The following JPH3 variants were observed in gnomAD, a reference collection of about 807,000 sequenced individuals.
JPH3 encodes the protein junctophilin 3.
Under a neutral mutation model 59.6 loss-of-function variants are expected in JPH3, and 11 were observed. The observed-to-expected ratio is 0.18, with a 90% CI of 0.12 to 0.31. The LOEUF (loss-of-function observed/expected upper bound fraction) is 0.31, where lower values mean the gene tolerates loss of function less well. Ranked by LOEUF, JPH3 falls within the 10% of genes least tolerant of loss-of-function variation. The pLI, the probability that JPH3 is intolerant of heterozygous loss-of-function variation, is 1.00. For synonymous variants in JPH3, 673 were observed against 483.6 expected, an observed-to-expected ratio of 1.39 and a Z score of -5.14; for missense variants, 1,202 against 1,105.7, an observed-to-expected ratio of 1.09 and a Z score of -1.24.
intron 2 of JPH3, among the ~76,000 whole-genome samples, chr16:87,650,876 C>T (rs1457567516): frequency 6.6e-6 from 1 of 152,206 alleles, no homozygotes. Flanking sequence ...GCAGGTTACC[C>T]AGAAGATCTG....
At chr16:87,608,447 CT>C (rs925601566) in intron 1 of JPH3, among the ~76,000 whole-genome samples, 1 of 152,190 alleles carries the variant, frequency 6.6e-6, no homozygotes, top group Admixed American at 6.5e-5. Flanking sequence ...GGACTGGCCG[CT>C]TCCCCCGCTG....
chr16:87,690,326 C>A lies in JPH3; in HGVS notation c.1966C>A (p.Arg656=). Residue 656 remains arginine (R), a synonymous_variant, in exon 4 of 5, where the codon CGG becomes AGG. Coordinates refer to ENST00000284262, the MANE Select transcript of JPH3 (RefSeq NM_020655.4). The part of the protein sequence containing the change: ...EDRGFGVQRL[R]SKAQNKENFR... ...CCGGGGCTTCGGGGTGCAGAGACTG[C>A]GGTCCAAGGCCCAGAACAAGGAGAA... The A allele has an allele frequency of 6.3e-7, 1 of 1,586,646 alleles. No homozygotes were observed. The highest frequency in any genetic ancestry group is 8.6e-7 in the Non-Finnish European group (1 of 1,167,616).
At chr16:87,670,940 C>A (rs903056232) in intron 2 of JPH3, among the ~76,000 whole-genome samples, 1 of 152,134 alleles carries the variant, frequency 6.6e-6, no homozygotes, top group Non-Finnish European at 1.5e-5. Flanking sequence ...GGGAATTGAT[C>A]CTGGCCCTCC....
chr16:87,652,834 T>A (rs374991705), intron 2 of JPH3, among the ~76,000 whole-genome samples: 1 of 152,242 alleles, frequency 6.6e-6, no homozygotes, highest in South Asian at 2.1e-4. Flanking sequence ...CAGCCTTGAC[T>A]GGGCATGTAG....
chr16:87,678,284 C>A (rs577111404), intron 2 of JPH3, among the ~76,000 whole-genome samples: 8 of 151,942 alleles, frequency 5.3e-5, no homozygotes, highest in South Asian at 2.1e-4. Context: ...TGGCTCACAT[C>A]TGTAATCCCA....
At chr16:87,643,339 C>T (rs2032018025) in intron 1 of JPH3, among the ~76,000 whole-genome samples, 1 of 152,232 alleles carries the variant, frequency 6.6e-6, no homozygotes, top group Non-Finnish European at 1.5e-5. Flanking sequence ...GGAAACAGTG[C>T]TGCTGAGAAC....
At chr16:87,685,112 G>A (rs1158561589) in intron 3 of JPH3, among the ~76,000 whole-genome samples, 1 of 152,202 alleles carries the variant, frequency 6.6e-6, no homozygotes, top group Non-Finnish European at 1.5e-5. Flanking sequence ...TGGCCACCAG[G>A]ACAGGATGAG....
chr16:87,622,761 G>T (rs989020052), intron 1 of JPH3, among the ~76,000 whole-genome samples: 2 of 151,648 alleles, frequency 1.3e-5, no homozygotes, highest in Admixed American at 6.6e-5. Flanking sequence ...CCACCCTGCC[G>T]CTGAGAGGCC....
chr16:87,616,691 C>A (rs554144449), intron 1 of JPH3, among the ~76,000 whole-genome samples: 1 of 152,158 alleles, frequency 6.6e-6, no homozygotes, highest in Non-Finnish European at 1.5e-5. Flanking sequence ...GATGACATGT[C>A]GGAACCGGAT....
Position 87,611,089 on chromosome 16 carries a change from T to C in JPH3, c.382+7561T>C, listed in dbSNP as rs1349770282. ...ATTGAGTATGTACGCAGTACAGAGT[T>C]TGTGGTAACGTGGAAGATTGGAAAA... On this transcript the variant is annotated intron_variant, in intron 1 of 4. Transcript: ENST00000284262. This position sits in a 1 kb window ranked among gnomAD's most constrained non-coding sequence, Gnocchi z 4.5. 6.6e-6 allele frequency among the ~76,000 whole-genome samples: 1 copy of C among 152,244 alleles called. No homozygotes were observed. Among genetic ancestry groups the C allele is most frequent in the East Asian group, 1.9e-4 (1 of 5,198 alleles).
chr16:87,661,661 A>G (rs955219735), intron 2 of JPH3, among the ~76,000 whole-genome samples: 2 of 152,232 alleles, frequency 1.3e-5, no homozygotes, highest in Non-Finnish European at 2.9e-5. Flanking sequence ...TCAGAGACGA[A>G]GAGTCACGGG....
chr16:87,643,059 C>T (rs1328836740), intron 1 of JPH3, among the ~76,000 whole-genome samples: 1 of 152,176 alleles, frequency 6.6e-6, no homozygotes, highest in Non-Finnish European at 1.5e-5. Context: ...CCACAACCCT[C>T]CCCAGCCCCT....
At chr16:87,631,281 A>G (rs887465203) in intron 1 of JPH3, among the ~76,000 whole-genome samples, 22 of 152,322 alleles carry the variant, frequency 1.4e-4, no homozygotes, top group African/African-American at 5.3e-4. Context: ...GGTGGAGCAC[A>G]TCCTGGAGTA....
Position 87,644,625 on chromosome 16 carries a change from G to T in JPH3, c.750G>T (p.Met250Ile), listed in dbSNP as rs2032076500. The change falls in exon 2 of 5, where the codon ATG becomes ATT. Residue 250 changes from methionine to isoleucine, a missense_variant. Transcript: ENST00000284262. The stretch of plus-strand genomic sequence containing the variant: ...GCTCCTTTCGCAGCGAGGCGGGCAT[G>T]AGCACCGTCAGCTCCACGGCCAGCG... Reference protein sequence around the residue: ...KQSSFRSEAGMSTVSSTASDI... With the variant: ...KQSSFRSEAGISTVSSTASDI... The T allele has an allele frequency of 6.2e-7, 1 of 1,612,368 alleles. No individual in the cohort carries two copies. Among genetic ancestry groups the T allele is most frequent in the Non-Finnish European group, 8.5e-7 (1 of 1,179,904 alleles).
chr16:87,685,817 G>A (rs1400582375), intron 3 of JPH3, among the ~76,000 whole-genome samples: 2 of 152,176 alleles, frequency 1.3e-5, no homozygotes, highest in African/African-American at 2.4e-5. Flanking sequence ...GAAAGGAAGG[G>A]GACCAGACAG....
At chr16:87,666,947 A>G (rs1239629344) in intron 2 of JPH3, among the ~76,000 whole-genome samples, 1 of 152,266 alleles carries the variant, frequency 6.6e-6, no homozygotes, top group South Asian at 2.1e-4. Flanking sequence ...CTCCATGACC[A>G]TATCAGCTTC....
At position 87,697,811 on chromosome 16, in the gene JPH3, GTTCC is replaced by G. The variant is rs752391519; in HGVS notation, c.*1154_*1157del. On this transcript the variant is annotated 3_prime_UTR_variant, in exon 5 of 5. Transcript: ENST00000284262. ...AACTTGTTCAGTCCAACAAAAACAGGTTCCTTATGTTTCTGCCTTCTCCACCAGG... is the reference window on the plus strand; with the variant it reads ...AACTTGTTCAGTCCAACAAAAACAGGTTATGTTTCTGCCTTCTCCACCAGG... 6.6e-6 allele frequency: 1 copy of G among 152,224 alleles called. No homozygotes were observed. The highest frequency in any genetic ancestry group is 2.4e-5 in the African/African-American group (1 of 41,446). The allele number at this position is 152,224 out of a possible 1,614,324, so 9.4% of individuals were successfully genotyped here. A position where few individuals can be genotyped will look rare whatever the true frequency, so the allele number is the denominator to read the frequency against.
chr16:87,610,413 A>G (rs1416069868), intron 1 of JPH3, among the ~76,000 whole-genome samples: 2 of 152,216 alleles, frequency 1.3e-5, no homozygotes, highest in Non-Finnish European at 2.9e-5. Flanking sequence ...TGTAAGTTCC[A>G]TATGGGAAGC....
intron 2 of JPH3, among the ~76,000 whole-genome samples, chr16:87,646,327 G>A (rs1473476112): frequency 6.6e-6 from 1 of 152,198 alleles, no homozygotes; most frequent in Non-Finnish European, 1.5e-5. Context: ...TGTTTTAGAG[G>A]GAATCAAGAT....
Sources: allele counts gnomAD v4.1 joint callset (sites outside exome capture counted in the v4.1 genomes callset), GRCh38; gene constraint gnomAD v4.1.1; non-coding constraint Gnocchi (gnomAD v3.1); transcripts MANE v1.5; gene names NCBI Gene and HGNC (gene_info 2026-07-23, HGNC 2026-07-21).